Variants in LBR observed in about 807,000 individuals in gnomAD.
LBR encodes the protein lamin B receptor, also known as delta(14)-sterol reductase LBR.
A neutral mutation model predicts 74.3 loss-of-function variants in LBR; 28 were observed. The ratio of observed to expected loss-of-function variants is 0.38; its 90% CI spans 0.28 to 0.52. LBR has a LOEUF of 0.52. Ranked by LOEUF, LBR falls within the 20% of genes least tolerant of loss-of-function variation. LBR has a pLI of 0.89. For missense variants in LBR, 717 were observed against 760.3 expected (o/e 0.94, Z 0.67); for synonymous variants, 228 against 269.3 (o/e 0.85, Z 1.50).
At chr1:225,413,509 T>TA (rs1321644426) in intron 7 of LBR, among the ~76,000 whole-genome samples, 7 of 152,264 alleles carry the variant, frequency 4.6e-5, no homozygotes. Flanking sequence ...AGGTAGCTGT[T>TA]ATTTATATGA....
At chr1:225,417,401 A>C (rs1204615613) in intron 6 of LBR, 8 of 152,256 alleles carry the variant, frequency 5.3e-5, no homozygotes, top group Admixed American at 4.6e-4. Context: ...AAAAAACTAC[A>C]CTTAGCAATG....
In LBR at chr1:225,422,174, G is replaced by T. The variant is rs1323238325; in HGVS notation, c.269C>A (p.Pro90Gln). Residue 90 changes from proline (P) to glutamine (Q), a missense_variant, in exon 3 of 14, where the codon CCA becomes CAA. Pro to Gln is a moderately conservative substitution (Grantham distance 76). Transcript: ENST00000272163. Reference sequence around the variant, plus strand: ...AGCAGATCGGCGGGCACTTTTAGGTGGTCGACCAGGGGATCGGGAGCGTGA... The same window carrying T: ...AGCAGATCGGCGGGCACTTTTAGGTTGTCGACCAGGGGATCGGGAGCGTGA... ...SRSRSRSPGR[P>Q]PKSARRSASA... 1 of 1,614,040 alleles carries T rather than the reference G, an allele frequency of 6.2e-7. No individual in the cohort carries two copies. Among genetic ancestry groups the T allele is most frequent in the South Asian group, 1.1e-5 (1 of 91,076 alleles).
chr1:225,416,761 T>G (rs2096117898), intron 6 of LBR, among the ~76,000 whole-genome samples: 1 of 152,250 alleles, frequency 6.6e-6, no homozygotes, highest in Admixed American at 6.5e-5. Context: ...AGACTTCTTT[T>G]TCTTGTCCTT....
intron 3 of LBR, among the ~76,000 whole-genome samples, chr1:225,420,321 A>AC (rs2096125530): frequency 6.6e-6 from 1 of 151,822 alleles, no homozygotes; most frequent in Non-Finnish European, 1.5e-5. Flanking sequence ...AAAAAAAAAA[A>AC]AACAACTTTG....
intron 10 of LBR, among the ~76,000 whole-genome samples, chr1:225,407,965 T>C (rs2096095972): frequency 6.6e-6 from 1 of 152,202 alleles, no homozygotes; most frequent in South Asian, 2.1e-4. Flanking sequence ...TTGCAATACA[T>C]GTAATATATA....
rs759500897 is a variant in LBR at position 225,411,341 on chromosome 1, C to T, written c.1184G>A (p.Gly395Glu). The change falls in exon 9 of 14, where the codon GGA becomes GAA. Residue 395 changes from glycine (G) to glutamate (E), a missense_variant. Transcript: ENST00000272163. ...AAGAAAAAAAACCAGACATACCCATCCAATCAATCCGGGGCGCAATTCACA... is the reference window on the plus strand; with the variant it reads ...AAGAAAAAAAACCAGACATACCCATTCAATCAATCCGGGGCGCAATTCACA... The part of the protein sequence containing the change: ...YFCELRPGLI[G>E]WVVINLVMLL... 6.2e-7 allele frequency: 1 copy of T among 1,609,720 alleles called. No individual in the cohort carries two copies. The highest frequency in any genetic ancestry group is 1.7e-5 in the Admixed American group (1 of 60,004).
chr1:225,405,071 A>C (rs968949947), intron 11 of LBR, among the ~76,000 whole-genome samples: 1 of 152,244 alleles, frequency 6.6e-6, no homozygotes, highest in East Asian at 1.9e-4. Flanking sequence ...ACATTACAAT[A>C]AAATCAATAC....
intron 10 of LBR, 115 bp from the exon 11 acceptor site, chr1:225,406,947 A>G: frequency 1.0e-6 from 1 of 976,150 alleles, no homozygotes; most frequent in Non-Finnish European, 1.6e-6. Flanking sequence ...CACAATCAAC[A>G]TTTTTTTGTT....
At position 225,423,940 on chromosome 1, in the gene LBR, C is replaced by T; in HGVS notation, c.136G>A (p.Glu46Lys). Residue 46 changes from glutamate (E) to lysine (K), a missense_variant, in exon 2 of 14, where the codon GAG (glutamate) becomes AAG (lysine). Transcript: ENST00000272163. ...ATATCATTCTCTTTCAATTCAAGCT[C>T]TGTTCCATCTTTATACTTCACAGTG... Reference protein sequence around the residue: ...LYTVKYKDGTELELKENDIKP... With the variant: ...LYTVKYKDGTKLELKENDIKP... 1 of 1,613,920 alleles carries T rather than the reference C, an allele frequency of 6.2e-7. No individual in the cohort carries two copies. Among genetic ancestry groups the T allele is most frequent in the Non-Finnish European group, 8.5e-7 (1 of 1,179,766 alleles).
At chr1:225,407,444 T>C (rs903607027) in intron 10 of LBR, among the ~76,000 whole-genome samples, 6 of 152,222 alleles carry the variant, frequency 3.9e-5, no homozygotes, top group African/African-American at 1.4e-4. Flanking sequence ...TCATGTGCAT[T>C]TTCCACAGAA....
At chr1:225,419,123 A>C (rs938675848) in intron 5 of LBR, 140 bp downstream of exon 5, 2 of 783,446 alleles carry the variant, frequency 2.6e-6, no homozygotes, top group South Asian at 2.9e-5. Context: ...CCTTCTCTGG[A>C]AGGCTCTTCC....
rs1290207258 is a variant in LBR, at chr1:225,406,773, A to C, written c.1374T>G (p.Phe458Leu). Reference protein sequence around the residue: ...IHDGFGFMLAFGDLVWVPFIY... With the variant: ...IHDGFGFMLALGDLVWVPFIY... ...TAAAGGGAACCCACACCAAGTCTCCAAAAGCCAGCATGAATCCAAATCCAT... is the reference window on the plus strand; with the variant it reads ...TAAAGGGAACCCACACCAAGTCTCCCAAAGCCAGCATGAATCCAAATCCAT... Residue 458 changes from phenylalanine to leucine, a missense_variant, in exon 11 of 14, where the codon TTT (phenylalanine) becomes TTG (leucine). Physicochemically the swap from Phe to Leu is conservative, Grantham distance 22 (BLOSUM62 0). Coordinates refer to ENST00000272163, the MANE Select transcript of LBR (RefSeq NM_002296.4). The C allele has an allele frequency of 6.2e-7, 1 of 1,614,094 alleles. No individual in the cohort carries two copies. The highest frequency in any genetic ancestry group is 1.3e-5 in the African/African-American group (1 of 74,936).
chr1:225,415,599 G>A (rs927095712), intron 6 of LBR, among the ~76,000 whole-genome samples: 1 of 152,010 alleles, frequency 6.6e-6, no homozygotes, highest in Admixed American at 6.6e-5. Context: ...CAACAGCCAC[G>A]CTCCCTGCCA....
chr1:225,411,488 G>T, intron 8 of LBR, 48 bp from the exon 9 acceptor site: 1 of 1,424,442 alleles, frequency 7.0e-7, no homozygotes, highest in South Asian at 1.1e-5. Context: ...AACCCAGTCA[G>T]GAGGCTTTAC....
intron 10 of LBR, among the ~76,000 whole-genome samples, chr1:225,408,274 G>A (rs531236905): frequency 6.6e-6 from 1 of 152,240 alleles, no homozygotes; most frequent in South Asian, 2.1e-4. Flanking sequence ...ACATATAAGT[G>A]AGGACACACG....
chr1:225,423,800 A>G, intron 2 of LBR, 111 bp downstream of exon 2: 1 of 1,021,562 alleles, frequency 9.8e-7, no homozygotes, highest in Non-Finnish European at 1.5e-6. Flanking sequence ...CAAGAGCTCA[A>G]TCCTCTGCCT....
chr1:225,410,034 AT>A (rs1318228850), intron 10 of LBR, among the ~76,000 whole-genome samples: 3 of 152,220 alleles, frequency 2.0e-5, no homozygotes, highest in African/African-American at 7.2e-5. Flanking sequence ...AGATCCACCA[AT>A]CTTAAATATT....
chr1:225,423,441 C>T (rs943323796), intron 2 of LBR, among the ~76,000 whole-genome samples: 1 of 151,960 alleles, frequency 6.6e-6, no homozygotes, highest in Non-Finnish European at 1.5e-5. Flanking sequence ...GCTTAGCCCT[C>T]CCCTACCACC....
In LBR at chr1:225,402,592, G is replaced by A. The variant is rs2096083703; in HGVS notation, c.*711C>T. ...AAATTTTATTTAAAATACTGAAAAT[G>A]TTTTGTTAAAAAGACAGTTAGTCCT... On this transcript the variant is annotated 3_prime_UTR_variant, in exon 14 of 14. Coordinates refer to ENST00000272163, the MANE Select transcript of LBR (RefSeq NM_002296.4). 1 of 152,636 alleles carries A rather than the reference G, an allele frequency of 6.6e-6. No homozygotes were observed. The highest frequency in any genetic ancestry group is 2.4e-5 in the African/African-American group (1 of 41,544). The allele number at this position is 152,636 out of a possible 1,614,324, so 9.5% of individuals were successfully genotyped here.
Sources: allele counts gnomAD v4.1 joint callset (sites outside exome capture counted in the v4.1 genomes callset), GRCh38; gene constraint gnomAD v4.1.1; transcripts MANE v1.5; gene names NCBI Gene and HGNC (gene_info 2026-07-23, HGNC 2026-07-21).